Variants in MXRA5 observed in about 807,000 individuals in gnomAD.
The protein encoded by MXRA5 is matrix-remodeling-associated protein 5.
Under a neutral mutation model 112.5 loss-of-function variants are expected in MXRA5, and 41 were observed. The ratio of observed to expected loss-of-function variants is 0.36; its 90% CI spans 0.28 to 0.47. The LOEUF is 0.47. Among genes scored for constraint, MXRA5 ranks in the 20% least tolerant of loss-of-function variants. The pLI is 0.99. For synonymous variants in MXRA5, 862 were observed against 900.8 expected, an observed-to-expected ratio of 0.96 and a Z score of 0.77; for missense variants, 2,150 against 2,251.0, an observed-to-expected ratio of 0.96 and a Z score of 0.91.
rs868352447 is a variant in MXRA5 at position 3,341,571 on chromosome X, A to G, written c.188+2075T>C. ...TATATATAATATATATTATTATTAT[A>G]TATAATATATATAATATATATTATT... On this transcript the variant is annotated intron_variant, in intron 2 of 6. Coordinates refer to ENST00000217939, the MANE Select transcript of MXRA5 (RefSeq NM_015419.4). Among the ~76,000 whole-genome samples, 2 of 25,779 alleles carry G rather than the reference A, an allele frequency of 7.8e-5. 1 individual carries two copies. Among genetic ancestry groups the G allele is most frequent in the Non-Finnish European group, 1.1e-4 (2 of 18,547 alleles). 22.4% of individuals were successfully genotyped at this position (25,779 alleles called of 115,157 possible).
chrX:3,314,608 G>A (rs922576749), intron 6 of MXRA5, among the ~76,000 whole-genome samples: 2 of 111,466 alleles, frequency 1.8e-5, no homozygotes, highest in Admixed American at 9.5e-5. Flanking sequence ...GGATGGATAA[G>A]CAGGTATATA....
In MXRA5 at chrX:3,323,084, G is replaced by A. The variant is rs774050023; in HGVS notation, c.2601C>T (p.His867=). Residue 867 remains histidine, a synonymous_variant, in exon 5 of 7, where the codon CAC becomes CAT. Coordinates refer to ENST00000217939, the MANE Select transcript of MXRA5 (RefSeq NM_015419.4). ...TISSASMGLE[H]NHNGVILVEP... ...CAACAAGAATAACTCCATTGTGGTT[G>A]TGTTCTAGCCCCATGCTGGCTGAGG... is the stretch of plus-strand genomic sequence containing the variant. 2.6e-5 allele frequency: 31 copies of A among 1,211,871 alleles called. No individual in the cohort carries two copies. The highest frequency in any genetic ancestry group is 3.5e-5 in the Non-Finnish European group (31 of 895,606).
rs1569184270 is a variant in MXRA5 at position 3,324,541 on chromosome X, C to T, written c.1144G>A (p.Ala382Thr). The change falls in exon 5 of 7, where the codon GCA becomes ACA. Residue 382 changes from alanine to threonine, a missense_variant. This residue lies in a region of MXRA5 where 386 missense variants were observed against 411.0 expected (regional missense o/e 0.94). Coordinates refer to ENST00000217939, the MANE Select transcript of MXRA5 (RefSeq NM_015419.4). ...ENYEKLWKLI[A>T]YYSEVPVKLH... Reference sequence around the variant, plus strand: ...TTCACGGGAACTTCACTGTAGTATGCTATCAATTTCCATAGCTTTTCATAG... The same window carrying T: ...TTCACGGGAACTTCACTGTAGTATGTTATCAATTTCCATAGCTTTTCATAG... The T allele has an allele frequency of 8.3e-7, 1 of 1,211,266 alleles. No individual in the cohort carries two copies. The highest frequency in any genetic ancestry group is 1.1e-6 in the Non-Finnish European group (1 of 895,342).
rs1214203070 is a variant in MXRA5 at position 3,323,646 on chromosome X, C to A, written c.2039G>T (p.Gly680Val). ...KKGSGLPSKR[G>V]RRPGAKALSR... ...AAGAGCCTTTGCACCTGGGCGTCTG[C>A]CTCTTTTGGATGGCAAGCCAGACCC... The change falls in exon 5 of 7, where the codon GGC (glycine) becomes GTC (valine). Residue 680 changes from glycine (G) to valine (V), a missense_variant. By Grantham distance (109) the Gly-to-Val change is moderately radical. Around this residue, in one of 6 missense-constraint regions of MXRA5, gnomAD observed 1,485 missense variants for 1,471.6 expected, o/e 1.01. Transcript: ENST00000217939. 8 of 1,209,250 alleles carry A rather than the reference C, an allele frequency of 6.6e-6. No individual in the cohort carries two copies. Among genetic ancestry groups the A allele is most frequent in the Non-Finnish European group, 8.9e-6 (8 of 894,894 alleles).
At position 3,321,346 on chromosome X, in the gene MXRA5, T is replaced by C. The variant is rs1921298073; in HGVS notation, c.4339A>G (p.Lys1447Glu). ...AGSSTTLSSIKVEVASSQAET... is the reference protein window; with the variant it reads ...AGSSTTLSSIEVEVASSQAET... ...GCCTGACTTGAAGCCACCTCCACTT[T>C]TATGCTTGAGAGAGTTGTGGAAGAA... The change falls in exon 5 of 7, where the codon AAA becomes GAA. Residue 1447 changes from lysine (K) to glutamate (E), a missense_variant. By Grantham distance (56) the Lys-to-Glu change is moderately conservative. Coordinates refer to ENST00000217939, the MANE Select transcript of MXRA5 (RefSeq NM_015419.4). The C allele has an allele frequency of 8.3e-7, 1 of 1,211,699 alleles. No individual in the cohort carries two copies. Among genetic ancestry groups the C allele is most frequent in the East Asian group, 3.0e-5 (1 of 33,818 alleles).
chrX:3,316,966 G>T, intron 6 of MXRA5, 137 bp downstream of exon 6: 1 of 756,597 alleles, frequency 1.3e-6, no homozygotes, highest in Non-Finnish European at 1.8e-6. Context: ...GTGAGCCACC[G>T]TGCCCTGCTA....
At chrX:3,344,248 C>G (rs996143203) in intron 1 of MXRA5, among the ~76,000 whole-genome samples, 8 of 111,153 alleles carry the variant, frequency 7.2e-5, no homozygotes, top group Non-Finnish European at 1.3e-4. Flanking sequence ...GTTTCTGCCT[C>G]CAACAAGACT....
chrX:3,319,017 T>C (rs1921226221), intron 5 of MXRA5, among the ~76,000 whole-genome samples: 1 of 111,071 alleles, frequency 9.0e-6, no homozygotes, highest in African/African-American at 3.3e-5. Flanking sequence ...GTTGAACTCA[T>C]AGAAGCTGAA....
At position 3,320,554 on chromosome X, in the gene MXRA5, T is replaced by C. The variant is rs1357672859; in HGVS notation, c.5131A>G (p.Arg1711Gly). The C allele has an allele frequency of 2.5e-6, 3 of 1,210,425 alleles. No homozygotes were observed. The highest frequency in any genetic ancestry group is 2.2e-6 in the Non-Finnish European group (2 of 895,341). Residue 1711 changes from arginine to glycine, a missense_variant, in exon 5 of 7, where the codon AGA becomes GGA. By Grantham distance (125) the Arg-to-Gly change is moderately radical. Around this residue, in one of 6 missense-constraint regions of MXRA5, gnomAD observed 1,485 missense variants for 1,471.6 expected, o/e 1.01. Coordinates refer to ENST00000217939, the MANE Select transcript of MXRA5 (RefSeq NM_015419.4). ...VFGNNNIPEA[R>G]NPVGKPPSPR... Reference sequence around the variant, plus strand: ...CTGGGAGGCTTTCCAACTGGGTTTCTTGCCTCAGGGATGTTGTTATTTCCA... The same window carrying C: ...CTGGGAGGCTTTCCAACTGGGTTTCCTGCCTCAGGGATGTTGTTATTTCCA...
rs1921627858 is a variant in MXRA5, at chrX:3,330,110, A to G, written c.617T>C (p.Met206Thr). Reference sequence around the variant, plus strand: ...CAAGTAAAGATTCTCCAGAAGCGGCATGTTCCGAAGCATGCTGGCAGGAAG... The same window carrying G: ...CAAGTAAAGATTCTCCAGAAGCGGCGTGTTCCGAAGCATGCTGGCAGGAAG... ...RTLPASMLRN[M>T]PLLENLYLQG... is the part of the protein sequence containing the mutation. Residue 206 changes from methionine to threonine, a missense_variant, in exon 4 of 7, where the codon ATG (methionine) becomes ACG (threonine). Physicochemically the swap from Met to Thr is moderately conservative, Grantham distance 81 (BLOSUM62 -1). This residue lies in a region of MXRA5 where 386 missense variants were observed against 411.0 expected (regional missense o/e 0.94). Coordinates refer to ENST00000217939, the MANE Select transcript of MXRA5 (RefSeq NM_015419.4). The G allele has an allele frequency of 1.7e-6, 2 of 1,208,408 alleles. No individual in the cohort carries two copies. Among genetic ancestry groups the G allele is most frequent in the Non-Finnish European group, 2.2e-6 (2 of 894,571 alleles).
chrX:3,309,937 T>C lies in MXRA5; in HGVS notation c.8266A>G (p.Met2756Val), dbSNP rs1248898711. 1.7e-6 allele frequency: 2 copies of C among 1,211,374 alleles called. No homozygotes were observed. The highest frequency in any genetic ancestry group is 1.7e-5 in the African/African-American group (1 of 57,740). The part of the protein sequence containing the change: ...RPGNTVKLNC[M>V]AMGIPKADIT... ...TCAGCTTTGGGAATCCCCATAGCCA[T>C]GCAGTTCAGTTTCACGGTGTTCCCG... Residue 2756 changes from methionine to valine, a missense_variant, in exon 7 of 7, where the codon ATG becomes GTG. By Grantham distance (21) the Met-to-Val change is conservative. Around this residue, in one of 6 missense-constraint regions of MXRA5, gnomAD observed 178 missense variants for 198.2 expected, o/e 0.90. Transcript: ENST00000217939.
chrX:3,329,017 G>A (rs1921580118), intron 4 of MXRA5, among the ~76,000 whole-genome samples: 1 of 101,842 alleles, frequency 9.8e-6, no homozygotes, highest in Non-Finnish European at 2.0e-5. Context: ...AGGGAGGGAA[G>A]GAGGGAATGA....
In MXRA5 at chrX:3,309,923, A is replaced by G. The variant is rs1484954479; in HGVS notation, c.8280T>C (p.Ile2760=). Residue 2760 remains isoleucine, a synonymous_variant, in exon 7 of 7, where the codon ATT becomes ATC. Transcript: ENST00000217939. ...ACTCCCACGTGATGTCAGCTTTGGG[A>G]ATCCCCATAGCCATGCAGTTCAGTT... The part of the protein sequence containing the change: ...TVKLNCMAMG[I]PKADITWELP... The G allele has an allele frequency of 4.1e-6, 5 of 1,211,341 alleles. No homozygotes were observed. The highest frequency in any genetic ancestry group is 5.6e-6 in the Non-Finnish European group (5 of 895,375).
chrX:3,343,607 A>T (rs1351160372), intron 2 of MXRA5, 39 bp downstream of exon 2: 1 of 1,164,838 alleles, frequency 8.6e-7, no homozygotes, highest in East Asian at 3.0e-5. Context: ...AGACGCACGC[A>T]CTGACAGTGG....
At position 3,323,447 on chromosome X, in the gene MXRA5, G is replaced by C; in HGVS notation, c.2238C>G (p.Leu746=). The change falls in exon 5 of 7, where the codon CTC becomes CTG. Residue 746 remains leucine (L), a synonymous_variant. Transcript: ENST00000217939. ...CTGGTTCTTTTTCCGAATGCTTCCA[G>C]AGTTTCAGCTTTCTTCTCCCTTTCT... ...KAKKGRRKLK[L]WKHSEKEPET... is the part of the protein sequence containing the mutation. The C allele has an allele frequency of 8.3e-7, 1 of 1,211,917 alleles. No individual in the cohort carries two copies. Among genetic ancestry groups the C allele is most frequent in the Non-Finnish European group, 1.1e-6 (1 of 895,553 alleles).
At chrX:3,316,315 A>AAAAT (rs751358454) in intron 6 of MXRA5, among the ~76,000 whole-genome samples, 3,569 of 84,905 alleles carry the variant, frequency 0.042, 118 homozygotes, top group Middle Eastern at 0.07. Flanking sequence ...TTCCGTCTCA[A>AAAAT]AAATAAATAA....
chrX:3,329,286 CAAGGAAAAAAGAAGGAAGGAAGG>C (rs781488000), intron 4 of MXRA5, among the ~76,000 whole-genome samples: 6 of 24,828 alleles, frequency 2.4e-4, no homozygotes, highest in Non-Finnish European at 5.2e-4. Flanking sequence ...AGGAAGGAAG[CAAGGAAAAAAGAAGGAAGGAAGG>C]AAGGAAAAAA....
At chrX:3,338,524 GTAGA>G (rs768865325) in intron 2 of MXRA5, among the ~76,000 whole-genome samples, 24 of 111,333 alleles carry the variant, frequency 2.2e-4, no homozygotes, top group South Asian at 1.2e-3. Context: ...TAGATGATAG[GTAGA>G]TAGATAGAAT....
chrX:3,330,554 G>T, intron 3 of MXRA5, 90 bp downstream of exon 3: 1 of 1,134,078 alleles, frequency 8.8e-7, no homozygotes, highest in South Asian at 2.1e-5. Flanking sequence ...CCGTTTTATT[G>T]ATCATTAAGG....
Sources: allele counts gnomAD v4.1 joint callset (sites outside exome capture counted in the v4.1 genomes callset), GRCh38; gene constraint gnomAD v4.1.1; regional missense constraint gnomAD v4.1.1; transcripts MANE v1.5; gene names NCBI Gene and HGNC (gene_info 2026-07-23, HGNC 2026-07-21).